TMPRSS11F: variants seen among roughly 807,000 people sequenced by gnomAD.
TMPRSS11F encodes transmembrane protease serine 11F.
TMPRSS11F carries 47 observed loss-of-function variants against 60.2 expected under a neutral mutation model. The ratio of observed to expected loss-of-function variants is 0.78; its 90% CI spans 0.62 to 1.00. The LOEUF is 1.00. TMPRSS11F is among the 50% of genes least tolerant of loss of function. The pLI is 0.00. For synonymous variants in TMPRSS11F, 166 were observed against 167.3 expected, an observed-to-expected ratio of 0.99 and a Z score of 0.06; for missense variants, 519 against 522.9, an observed-to-expected ratio of 0.99 and a Z score of 0.07.
At chr4:68,075,349 C>A (rs112932592) in intron 3 of TMPRSS11F, among the ~76,000 whole-genome samples, 1 of 152,054 alleles carries the variant, frequency 6.6e-6, no homozygotes, top group Non-Finnish European at 1.5e-5. Context: ...TTGTTCCCTC[C>A]GAATACTGCA....
At chr4:68,080,240 T>A (rs1723664117) in intron 3 of TMPRSS11F, 1 of 152,204 alleles carries the variant, frequency 6.6e-6, no homozygotes, top group South Asian at 2.1e-4. Flanking sequence ...ATGAGTTGGA[T>A]TATCTGGAGG....
chr4:68,081,207 CT>C (rs1209413482), intron 3 of TMPRSS11F, among the ~76,000 whole-genome samples: 1 of 152,094 alleles, frequency 6.6e-6, no homozygotes, highest in Non-Finnish European at 1.5e-5. Context: ...TATCTGTAGC[CT>C]TTTGATACTG....
chr4:68,072,706 G>C (rs1203917118), intron 4 of TMPRSS11F, among the ~76,000 whole-genome samples: 1 of 152,068 alleles, frequency 6.6e-6, no homozygotes, highest in Non-Finnish European at 1.5e-5. Context: ...GGAAATACTG[G>C]ATAAAATACC....
At chr4:68,061,318 C>T (rs1723169035) in intron 8 of TMPRSS11F, among the ~76,000 whole-genome samples, 1 of 152,096 alleles carries the variant, frequency 6.6e-6, no homozygotes, top group African/African-American at 2.4e-5. Context: ...AACTTTCAAG[C>T]CGTATGAGCA....
chr4:68,115,446 T>C (rs980878278), intron 1 of TMPRSS11F, among the ~76,000 whole-genome samples: 4 of 151,640 alleles, frequency 2.6e-5, no homozygotes, highest in Admixed American at 2.6e-4. Context: ...AGCTAATATA[T>C]GCAATGGTGA....
chr4:68,108,174 T>C (rs1256667526), intron 1 of TMPRSS11F, among the ~76,000 whole-genome samples: 1 of 152,112 alleles, frequency 6.6e-6, no homozygotes, highest in African/African-American at 2.4e-5. Context: ...CAGAATATAT[T>C]TTGAAGTTAT....
intron 1 of TMPRSS11F, among the ~76,000 whole-genome samples, chr4:68,114,188 C>T (rs1724466659): frequency 6.6e-6 from 1 of 151,664 alleles, no homozygotes; most frequent in African/African-American, 2.4e-5. Flanking sequence ...ATAATCAACC[C>T]TACCTTAAGA....
At chr4:68,064,303 A>C (rs956133080) in intron 8 of TMPRSS11F, among the ~76,000 whole-genome samples, 1 of 148,842 alleles carries the variant, frequency 6.7e-6, no homozygotes, top group Non-Finnish European at 1.5e-5. Context: ...TCCTGCCTCA[A>C]CCTCCCAAGT....
chr4:68,072,514 G>T, intron 4 of TMPRSS11F, 28 bp from the exon 5 acceptor site: 2 of 1,433,392 alleles, frequency 1.4e-6, no homozygotes, highest in South Asian at 1.7e-5. Flanking sequence ...AGATAAAAAT[G>T]GCATTTATCT....
chr4:68,074,074 A>T, intron 3 of TMPRSS11F, 65 bp from the exon 4 acceptor site: 2 of 1,037,460 alleles, frequency 1.9e-6, no homozygotes, highest in Admixed American at 3.2e-5. Flanking sequence ...ATAATTTTTT[A>T]AAAGAAGTAT....
intron 9 of TMPRSS11F, among the ~76,000 whole-genome samples, chr4:68,057,345 C>T (rs1370658943): frequency 1.4e-5 from 2 of 147,380 alleles, no homozygotes; most frequent in African/African-American, 5.0e-5. Flanking sequence ...ACACCATGCA[C>T]AAAAAGAAAC....
chr4:68,129,694 T>C, intron 1 of TMPRSS11F, 116 bp downstream of exon 1: 1 of 937,402 alleles, frequency 1.1e-6, no homozygotes, highest in Non-Finnish European at 1.6e-6. Context: ...ATAACACACA[T>C]TAAAACTCTA....
intron 7 of TMPRSS11F, among the ~76,000 whole-genome samples, chr4:68,068,180 A>G (rs1723368961): frequency 6.6e-6 from 1 of 152,176 alleles, no homozygotes; most frequent in African/African-American, 2.4e-5. Flanking sequence ...ATGAGAAGTG[A>G]GAACTTCAAG....
In TMPRSS11F at chr4:68,089,780, G is replaced by A. The variant is rs185351026; in HGVS notation, c.282+743C>T. 8.3e-4 allele frequency among the ~76,000 whole-genome samples: 126 copies of A among 152,172 alleles called. 1 individual carries two copies. The highest frequency in any genetic ancestry group is 2.9e-3 in the African/African-American group (121 of 41,568). On this transcript the variant is annotated intron_variant, in intron 3 of 9. Transcript: ENST00000356291. ...GCTAAAGTTCTCCTATTTTATTAAA[G>A]GAGATCAGTGTCTAAAGCTAATCAT...
chr4:68,073,864 G>C (rs1264354246), intron 4 of TMPRSS11F, 78 bp downstream of exon 4: 1 of 867,896 alleles, frequency 1.2e-6, no homozygotes, highest in Non-Finnish European at 1.8e-6. Flanking sequence ...GACTTGCTCA[G>C]GGCAGCTAAG....
intron 1 of TMPRSS11F, among the ~76,000 whole-genome samples, chr4:68,102,182 C>A (rs1179454025): frequency 1.3e-5 from 2 of 152,048 alleles, no homozygotes; most frequent in Non-Finnish European, 2.9e-5. Context: ...CAGGAAAATT[C>A]CATTGTATAT....
intron 6 of TMPRSS11F, among the ~76,000 whole-genome samples, chr4:68,069,546 T>A (rs1018384518): frequency 9.2e-5 from 14 of 152,244 alleles, no homozygotes; most frequent in African/African-American, 2.4e-4. Flanking sequence ...TATGTACCAA[T>A]GCTGGAATGT....
chr4:68,072,715 C>G (rs1723505967), intron 4 of TMPRSS11F, among the ~76,000 whole-genome samples: 1 of 151,984 alleles, frequency 6.6e-6, no homozygotes, highest in Non-Finnish European at 1.5e-5. Flanking sequence ...GGATAAAATA[C>G]CTACCTGAAA....
chr4:68,091,843 G>A (rs549519078), intron 2 of TMPRSS11F, among the ~76,000 whole-genome samples: 18 of 151,566 alleles, frequency 1.2e-4, no homozygotes, highest in Middle Eastern at 6.8e-3. Context: ...CTGGAGTGCA[G>A]TGACACTATT....
Sources: gnomAD v4.1 joint callset for allele counts (sites outside exome capture counted in the v4.1 genomes callset) on GRCh38, gnomAD v4.1.1 for gene constraint, MANE v1.5 for transcripts, NCBI Gene and HGNC (gene_info 2026-07-23, HGNC 2026-07-21) for gene names.